The following ADCY2 variants were observed in gnomAD, a reference collection of about 807,000 sequenced individuals.
ADCY2 encodes the protein adenylate cyclase 2.
A neutral mutation model predicts 125.2 loss-of-function variants in ADCY2; 31 were observed. The observed-to-expected ratio is 0.25, with a 90% CI of 0.19 to 0.33. The LOEUF is 0.33. Among genes scored for constraint, ADCY2 ranks in the 10% least tolerant of loss-of-function variants. ADCY2 has a pLI of 1.00. For missense variants in ADCY2, 904 were observed against 1,418.2 expected, an observed-to-expected ratio of 0.64 and a Z score of 5.82; for synonymous variants, 512 against 548.4, an observed-to-expected ratio of 0.93 and a Z score of 0.93.
rs10052439 is a variant in ADCY2, at chr5:7,433,664, T to A, written c.408+18894T>A. 5.1e-3 allele frequency among the ~76,000 whole-genome samples: 780 copies of A among 151,906 alleles called. 7 individuals carry two copies. The highest frequency in any genetic ancestry group is 0.018 in the African/African-American group (729 of 41,458). ...AATTCCTTGAAGAAAGAAAAAAAAA[T>A]GGAAGATTTATTTTAATAAATCAAA... On this transcript the variant is annotated intron_variant, in intron 2 of 24. Transcript: ENST00000338316.
chr5:7,668,183 TG>T (rs1739821206), intron 4 of ADCY2, among the ~76,000 whole-genome samples: 2 of 152,232 alleles, frequency 1.3e-5, no homozygotes, highest in Non-Finnish European at 2.9e-5. Context: ...TAGATGTTTT[TG>T]TGAAGGTTAT....
At chr5:7,467,763 A>G (rs1742179320) in intron 2 of ADCY2, among the ~76,000 whole-genome samples, 2 of 152,358 alleles carry the variant, frequency 1.3e-5, no homozygotes, top group South Asian at 2.1e-4. Flanking sequence ...AGGGCATATG[A>G]TAAAATAAAT....
intron 5 of ADCY2, among the ~76,000 whole-genome samples, chr5:7,693,000 C>A (rs1412858588): frequency 2.0e-5 from 3 of 152,128 alleles, no homozygotes; most frequent in African/African-American, 7.2e-5. Context: ...TTGGACTACT[C>A]CTCTTCCTCT....
At chr5:7,472,455 A>G (rs1009800139) in intron 2 of ADCY2, among the ~76,000 whole-genome samples, 2 of 152,114 alleles carry the variant, frequency 1.3e-5, no homozygotes, top group African/African-American at 4.8e-5. Context: ...TTAATCATAG[A>G]CATTTTAAAT....
chr5:7,514,326 A>G (rs577031667), intron 2 of ADCY2, among the ~76,000 whole-genome samples: 1 of 152,254 alleles, frequency 6.6e-6, no homozygotes, highest in African/African-American at 2.4e-5. Context: ...CTGTACCTCA[A>G]CTCTTCTCCA....
intron 14 of ADCY2, among the ~76,000 whole-genome samples, chr5:7,740,406 A>G (rs193168177): frequency 1.1e-4 from 17 of 152,158 alleles, no homozygotes; most frequent in African/African-American, 3.8e-4. Context: ...GGAAATGTTA[A>G]TATATTCTAA....
At chr5:7,594,932 G>C (rs960214698) in intron 3 of ADCY2, among the ~76,000 whole-genome samples, 2 of 152,184 alleles carry the variant, frequency 1.3e-5, no homozygotes, top group African/African-American at 4.8e-5. Context: ...CAGCTTCAAA[G>C]GACAGAGTCC....
chr5:7,762,964 C>T (rs1159927524), intron 16 of ADCY2, among the ~76,000 whole-genome samples: 1 of 150,262 alleles, frequency 6.7e-6, no homozygotes, highest in Non-Finnish European at 1.5e-5. Context: ...GACATAGCCT[C>T]AATCATGTCC....
chr5:7,811,487 C>T (rs912152661), intron 22 of ADCY2, among the ~76,000 whole-genome samples: 7 of 147,310 alleles, frequency 4.8e-5, no homozygotes, highest in Admixed American at 1.3e-4. Context: ...GGCAACAGAG[C>T]GAGACTCTGT....
chr5:7,424,945 A>G (rs1740333878), intron 2 of ADCY2, among the ~76,000 whole-genome samples: 1 of 152,152 alleles, frequency 6.6e-6, no homozygotes, highest in Non-Finnish European at 1.5e-5. Flanking sequence ...TCCCTGTAGG[A>G]AAACCTCATC....
At position 7,459,772 on chromosome 5, in the gene ADCY2, A is replaced by ATTTTTTTTTTTTT. The variant is rs3033085; in HGVS notation, c.408+45023_408+45035dup. 3.3e-4 allele frequency among the ~76,000 whole-genome samples: 24 copies of ATTTTTTTTTTTTT among 72,862 alleles called. 1 individual carries two copies. The highest frequency in any genetic ancestry group is 1.2e-3 in the African/African-American group (20 of 16,348). The allele number at this position is 72,862 out of a possible 152,430, so 47.8% of individuals were successfully genotyped here. On this transcript the variant is annotated intron_variant, in intron 2 of 24. Coordinates refer to ENST00000338316, the MANE Select transcript of ADCY2 (RefSeq NM_020546.3). ...GAACTATCTAGCAGTTTAAGAGGTAATTTTTTTTTTTTTTTTTTTTTTTTT... is the reference window on the plus strand; with the variant it reads ...GAACTATCTAGCAGTTTAAGAGGTAATTTTTTTTTTTTTTTTTTTTTTTTTTTTTTTTTTTTTT...
chr5:7,612,443 G>A (rs1009174838), intron 3 of ADCY2, among the ~76,000 whole-genome samples: 1 of 152,230 alleles, frequency 6.6e-6, no homozygotes, highest in South Asian at 2.1e-4. Context: ...ACCATGGTGA[G>A]GTGGGCAGGA....
At chr5:7,595,901 C>T (rs767364313) in intron 3 of ADCY2, among the ~76,000 whole-genome samples, 2 of 152,100 alleles carry the variant, frequency 1.3e-5, no homozygotes, top group Non-Finnish European at 2.9e-5. Flanking sequence ...ACTCAACATA[C>T]ATCTTTTAAG....
intron 14 of ADCY2, among the ~76,000 whole-genome samples, chr5:7,742,902 C>T (rs939101016): frequency 1.3e-5 from 2 of 152,172 alleles, no homozygotes; most frequent in Admixed American, 6.5e-5. Context: ...ATTTGCATTT[C>T]ATCTTTGATG....
chr5:7,695,273 C>T (rs758283171), intron 5 of ADCY2, among the ~76,000 whole-genome samples: 2 of 152,198 alleles, frequency 1.3e-5, no homozygotes, highest in Admixed American at 6.5e-5. Flanking sequence ...TGCCCCTACT[C>T]TTCTCTGTCA....
At chr5:7,671,236 A>C (rs1739923609) in intron 4 of ADCY2, among the ~76,000 whole-genome samples, 1 of 152,188 alleles carries the variant, frequency 6.6e-6, no homozygotes, top group Non-Finnish European at 1.5e-5. Context: ...ATATTGTTAA[A>C]ATTTTGCTTA....
chr5:7,434,065 GA>G (rs1740708024), intron 2 of ADCY2, among the ~76,000 whole-genome samples: 1 of 152,128 alleles, frequency 6.6e-6, no homozygotes, highest in African/African-American at 2.4e-5. Context: ...ATACAGGGAA[GA>G]ATTTCCTAAA....
At chr5:7,545,331 T>G (rs962580367) in intron 3 of ADCY2, among the ~76,000 whole-genome samples, 1 of 152,184 alleles carries the variant, frequency 6.6e-6, no homozygotes, top group African/African-American at 2.4e-5. Flanking sequence ...ACTAATGTGG[T>G]GCCTTTGGTT....
chr5:7,702,436 T>C (rs1741116600), intron 7 of ADCY2, among the ~76,000 whole-genome samples: 1 of 151,136 alleles, frequency 6.6e-6, no homozygotes, highest in Admixed American at 6.6e-5. Context: ...TGTCCATGTG[T>C]TCTCATTGTT....
Sources: gnomAD v4.1 joint callset for allele counts (sites outside exome capture counted in the v4.1 genomes callset) on GRCh38, gnomAD v4.1.1 for gene constraint, MANE v1.5 for transcripts, NCBI Gene and HGNC (gene_info 2026-07-23, HGNC 2026-07-21) for gene names.